Variants in RAN observed in about 807,000 individuals in gnomAD.
RAN encodes the protein RAN, member RAS oncogene family, also known as GTP-binding nuclear protein Ran.
In RAN, 2 loss-of-function variants were observed where a neutral mutation model predicts 26.8. The ratio of observed to expected loss-of-function variants is 0.07; its 90% confidence interval spans 0.03 to 0.23. The LOEUF is 0.23. Ranked by LOEUF, RAN falls within the 10% of genes least tolerant of loss-of-function variation. The pLI is 1.00. For synonymous variants in RAN, 132 were observed against 95.9 expected, an observed-to-expected ratio of 1.38 and a Z score of -2.20; for missense variants, 56 against 264.8, an observed-to-expected ratio of 0.21 and a Z score of 5.47.
At chr12:130,875,854 G>C (rs1244566166) in intron 6 of RAN, 28 bp from the exon 7 acceptor site, 1 of 1,613,990 alleles carries the variant, frequency 6.2e-7, no homozygotes, top group African/African-American at 1.3e-5. Context: ...GATCTGGAGT[G>C]TTAACGTTTT....
At position 130,872,110 on chromosome 12, in the gene RAN, G is replaced by A. The variant is rs925438040; in HGVS notation, c.-27G>A. On this transcript the variant is annotated 5_prime_UTR_variant, in exon 1 of 7. Coordinates refer to ENST00000543796, the MANE Select transcript of RAN (RefSeq NM_006325.5). Reference sequence around the variant, plus strand: ...TTTCCAGCCTCAGTCGGACGGGCGCGGAGACGCTTCTGGAAGGTATCGCGA... The same window carrying A: ...TTTCCAGCCTCAGTCGGACGGGCGCAGAGACGCTTCTGGAAGGTATCGCGA... 3 of 312,482 alleles carry A rather than the reference G, an allele frequency of 9.6e-6. No individual in the cohort carries two copies. Among genetic ancestry groups the A allele is most frequent in the Non-Finnish European group, 2.0e-5 (3 of 146,514 alleles). 19.4% of individuals were successfully genotyped at this position (312,482 alleles called of 1,614,324 possible).
rs1953162862 is a variant in RAN at position 130,872,738 on chromosome 12, T to C, written c.37-98T>C. 1.4e-5 allele frequency: 22 copies of C among 1,567,284 alleles called. 1 individual carries two copies. The highest frequency in any genetic ancestry group is 3.5e-4 in the Middle Eastern group (2 of 5,684). ...TAATGGGGCCCCGCATCCACATTCTTTGTTTTAAGTGAGCCTGTGGTGGTT... is the reference window on the plus strand; with the variant it reads ...TAATGGGGCCCCGCATCCACATTCTCTGTTTTAAGTGAGCCTGTGGTGGTT... On this transcript the variant is annotated intron_variant, in intron 2 of 6. Coordinates refer to ENST00000543796, the MANE Select transcript of RAN (RefSeq NM_006325.5).
In RAN at chr12:130,875,947, G is replaced by T. The variant is rs1368924575; in HGVS notation, c.*21G>T. On this transcript the variant is annotated 3_prime_UTR_variant, in exon 7 of 7. Coordinates refer to ENST00000543796, the MANE Select transcript of RAN (RefSeq NM_006325.5). The stretch of plus-strand genomic sequence containing the variant: ...TGTGAGAATGAAGCTGGAGCCCAGC[G>T]TCAGAAGTCTAGTTTTATAGGCAGC... 1.9e-6 allele frequency: 3 copies of T among 1,612,780 alleles called. No individual in the cohort carries two copies.
At chr12:130,874,772 C>T (rs376857929) in intron 5 of RAN, 39 bp downstream of exon 5, 22 of 1,518,340 alleles carry the variant, frequency 1.4e-5, no homozygotes, top group Non-Finnish European at 1.8e-5. Flanking sequence ...TTTCTCTTAG[C>T]GGAGATTATA....
chr12:130,872,688 C>G, intron 2 of RAN, 59 bp downstream of exon 2: 1 of 1,535,532 alleles, frequency 6.5e-7, no homozygotes, highest in African/African-American at 1.4e-5. Context: ...CTCGCGGGTC[C>G]CTCCTCCTGG....
In RAN at chr12:130,874,517, T is replaced by C. The variant is rs188343118; in HGVS notation, c.248-29T>C. 6 of 1,502,272 alleles carry C rather than the reference T, an allele frequency of 4.0e-6. No individual in the cohort carries two copies. In the East Asian group the frequency reaches 9.1e-5, roughly 23 times the overall value. 93.1% of individuals were successfully genotyped at this position (1,502,272 alleles called of 1,614,324 possible). ...TTCTTCACTTGTGCAGTAAACTGAG[T>C]GTACTAATTCCCACAAATGTTTCTT... On this transcript the variant is annotated intron_variant, in intron 4 of 6. Transcript: ENST00000543796.
chr12:130,872,186 T>C (rs116897340), intron 1 of RAN, 60 bp downstream of exon 1: 52,955 of 163,098 alleles, frequency 0.32, 8,620 homozygotes, highest in African/African-American at 0.33. Flanking sequence ...GGCGGCGGGA[T>C]AGGGGTCGGA....
In RAN at chr12:130,872,844, G is replaced by A; in HGVS notation, c.45G>A (p.Leu15=). Residue 15 remains leucine, a synonymous_variant, in exon 3 of 7, where the codon TTG becomes TTA. Coordinates refer to ENST00000543796, the MANE Select transcript of RAN (RefSeq NM_006325.5). ...AATGTGTTTTTCAACAGCTTGTATT[G>A]GTTGGTGATGGTGGTACTGGAAAAA... ...GEPQVQFKLV[L]VGDGGTGKTT... 3 of 1,614,156 alleles carry A rather than the reference G, an allele frequency of 1.9e-6. No individual in the cohort carries two copies. In the South Asian group the frequency reaches 3.3e-5, roughly 18 times the overall value.
intron 4 of RAN, 49 bp downstream of exon 4, chr12:130,873,177 T>A: frequency 6.2e-7 from 1 of 1,611,758 alleles, no homozygotes; most frequent in Non-Finnish European, 8.5e-7. Flanking sequence ...TTTGTGTACT[T>A]CAGTCTTCAA....
chr12:130,874,436 G>T, intron 4 of RAN, 110 bp from the exon 5 acceptor site: 1 of 770,394 alleles, frequency 1.3e-6, no homozygotes, highest in Non-Finnish European at 2.0e-6. Flanking sequence ...AGATACAGGT[G>T]ACTCGTTGAG....
rs1274222556 is a variant in RAN at position 130,876,551 on chromosome 12, A to G, written c.*625A>G. ...AAAGCAGTGTTTGCTCCACCTTCAT[A>G]TTGGCTAGGTAGGGTCACCTAGGGA... is the stretch of plus-strand genomic sequence containing the variant. On this transcript the variant is annotated 3_prime_UTR_variant, in exon 7 of 7. Transcript: ENST00000543796. 1 of 152,590 alleles carries G rather than the reference A, an allele frequency of 6.6e-6. No homozygotes were observed. The highest frequency in any genetic ancestry group is 6.5e-5 in the Admixed American group (1 of 15,292). The allele number at this position is 152,590 out of a possible 1,614,324, so 9.5% of individuals were successfully genotyped here.
chr12:130,874,361 C>T, intron 4 of RAN, 185 bp from the exon 5 acceptor site: 1 of 530,842 alleles, frequency 1.9e-6, no homozygotes, highest in Non-Finnish European at 3.3e-6. Flanking sequence ...GTCAGCTCAT[C>T]TCTCTTAGGA....
intron 1 of RAN, 124 bp from the exon 2 acceptor site, chr12:130,872,460 G>A: frequency 1.3e-5 from 7 of 535,036 alleles, no homozygotes; most frequent in Non-Finnish European, 1.8e-5. Context: ...AGGCCTGGCC[G>A]CCATGGCGCC....
At chr12:130,873,246 CAA>C (rs1953172610) in intron 4 of RAN, 118 bp downstream of exon 4, 1 of 1,396,742 alleles carries the variant, frequency 7.2e-7, no homozygotes, top group Admixed American at 2.2e-5. Flanking sequence ...TAAAAAAAGA[CAA>C]GTGGACTTCG....
intron 4 of RAN, 74 bp from the exon 5 acceptor site, chr12:130,874,472 C>T (rs1953201013): frequency 1.6e-6 from 2 of 1,237,420 alleles, no homozygotes; most frequent in Non-Finnish European, 2.3e-6. Flanking sequence ...TAGTTGAATC[C>T]TAGTCTCTGG....
chr12:130,872,984 C>A lies in RAN; in HGVS notation c.122-19C>A. 6.2e-7 allele frequency: 1 copy of A among 1,614,192 alleles called. No homozygotes were observed. Among genetic ancestry groups the A allele is most frequent in the Non-Finnish European group, 8.5e-7 (1 of 1,180,026 alleles). On this transcript the variant is annotated intron_variant, in intron 3 of 6. Transcript: ENST00000543796. ...AAATGGGTAAGTTCATCCACTCAAT[C>A]GCATCGTTTCCGTTTCAGCCACCTT...
At chr12:130,872,730 C>G in intron 2 of RAN, 101 bp downstream of exon 2, 1 of 1,565,582 alleles carries the variant, frequency 6.4e-7, no homozygotes, top group Non-Finnish European at 8.7e-7. Flanking sequence ...GCCCCGCATC[C>G]ACATTCTTTG....
At chr12:130,872,232 G>T in intron 1 of RAN, 106 bp downstream of exon 1, 1 of 154,918 alleles carries the variant, frequency 6.5e-6, no homozygotes. Flanking sequence ...GCGGACCCAG[G>T]GGCAGCGGGC....
Position 130,872,119 on chromosome 12 carries a change from T to A in RAN, c.-18T>A. 3.5e-6 allele frequency: 1 copy of A among 283,638 alleles called. No individual in the cohort carries two copies. The highest frequency in any genetic ancestry group is 7.7e-6 in the Non-Finnish European group (1 of 130,624). The allele number at this position is 283,638 out of a possible 1,614,324, so 17.6% of individuals were successfully genotyped here. A position where few individuals can be genotyped will look rare whatever the true frequency, so the allele number is the denominator to read the frequency against. ...TCAGTCGGACGGGCGCGGAGACGCT[T>A]CTGGAAGGTATCGCGACCCGGCGGG... On this transcript the variant is annotated 5_prime_UTR_variant, in exon 1 of 7. Transcript: ENST00000543796.
Sources: allele counts gnomAD v4.1 joint callset, GRCh38; gene constraint gnomAD v4.1.1; transcripts MANE v1.5; gene names NCBI Gene and HGNC (gene_info 2026-07-23, HGNC 2026-07-21).